ANK3: variants seen among roughly 807,000 people sequenced by gnomAD.
ANK3 encodes ankyrin-3.
ANK3 carries 57 observed loss-of-function variants against 370.9 expected under a neutral mutation model. That is an observed-to-expected ratio of 0.15 (90% confidence interval 0.12 to 0.19). The LOEUF (loss-of-function observed/expected upper bound fraction) is 0.19. Among genes scored for constraint, ANK3 ranks in the 10% least tolerant of loss-of-function variants. The pLI is 1.00. For synonymous variants in ANK3, 1,929 were observed against 1,946.3 expected (o/e 0.99, Z 0.23); for missense variants, 4,439 against 5,302.1 (o/e 0.84, Z 5.06).
At chr10:60,458,604 CAG>C (rs1423451114) in intron 2 of ANK3, among the ~76,000 whole-genome samples, 2 of 152,074 alleles carry the variant, frequency 1.3e-5, no homozygotes, top group Non-Finnish European at 2.9e-5. Context: ...GAGATGAAAA[CAG>C]AGGTTACTTT....
chr10:60,034,668 T>A (rs1474344911), intron 43 of ANK3, among the ~76,000 whole-genome samples: 1 of 152,210 alleles, frequency 6.6e-6, no homozygotes, highest in Non-Finnish European at 1.5e-5. Context: ...TCCACCTTTG[T>A]AGTTCAACTC....
chr10:60,636,389 A>G (rs2078555049), intron 1 of ANK3, among the ~76,000 whole-genome samples: 1 of 152,198 alleles, frequency 6.6e-6, no homozygotes, highest in African/African-American at 2.4e-5. Flanking sequence ...CTGGAAAAAA[A>G]TCAACCTCCA....
intron 1 of ANK3, among the ~76,000 whole-genome samples, chr10:60,623,801 GAA>G (rs1428556693): frequency 6.6e-6 from 1 of 152,198 alleles, no homozygotes; most frequent in African/African-American, 2.4e-5. Flanking sequence ...TATCCTGCAG[GAA>G]AAGAGTGCCT....
At chr10:60,051,519 G>A (rs775665874) in intron 42 of ANK3, 82 of 985,526 alleles carry the variant, frequency 8.3e-5, no homozygotes, top group Non-Finnish European at 9.8e-5. Context: ...GTGACTCTCC[G>A]CTCTTCCTCT....
chr10:60,041,067 A>AT (rs1336227730), intron 43 of ANK3, among the ~76,000 whole-genome samples: 3 of 152,218 alleles, frequency 2.0e-5, no homozygotes, highest in Admixed American at 2.0e-4. Flanking sequence ...TTCTCATCCA[A>AT]TAAAAACCAA....
intron 2 of ANK3, among the ~76,000 whole-genome samples, chr10:60,571,314 A>G (rs572708970): frequency 2.1e-4 from 32 of 152,334 alleles, no homozygotes; most frequent in African/African-American, 4.3e-4. Flanking sequence ...GTCTGCTGGT[A>G]GTAGGTCCCT....
chr10:60,696,592 T>A (rs1416473183), intron 1 of ANK3, among the ~76,000 whole-genome samples: 1 of 148,904 alleles, frequency 6.7e-6, no homozygotes, highest in Non-Finnish European at 1.5e-5. Flanking sequence ...GCAAGGCTGG[T>A]TCAATATACG....
intron 17 of ANK3, among the ~76,000 whole-genome samples, chr10:60,182,726 A>G (rs1387638131): frequency 1.3e-5 from 2 of 152,240 alleles, no homozygotes; most frequent in Non-Finnish European, 2.9e-5. Flanking sequence ...CAGAGCAATT[A>G]TGGAATGCAG....
chr10:60,404,382 A>G (rs1369383439), intron 2 of ANK3, among the ~76,000 whole-genome samples: 50 of 152,210 alleles, frequency 3.3e-4, no homozygotes, highest in Admixed American at 3.3e-3. Flanking sequence ...ACAGTATGGT[A>G]CTGGCATTAA....
chr10:60,273,377 T>C (rs138054769), intron 4 of ANK3, among the ~76,000 whole-genome samples: 1 of 152,134 alleles, frequency 6.6e-6, no homozygotes, highest in Non-Finnish European at 1.5e-5. Flanking sequence ...AGCTCACCTT[T>C]TAAAAGTGTA....
Position 60,093,918 on chromosome 10 carries a change from A to AT in ANK3, c.3329-5561dup, listed in dbSNP as rs1047757187. On this transcript the variant is annotated intron_variant, in intron 28 of 43. Coordinates refer to ENST00000280772, the MANE Select transcript of ANK3 (RefSeq NM_020987.5). ...CTCAGGGACCCTCTGTGTTGTGTTC[A>AT]TTTTTTTTCAAAGCTTTTAGCAATT... Among the ~76,000 whole-genome samples, 16 of 151,920 alleles carry AT rather than the reference A, an allele frequency of 1.1e-4. No individual in the cohort carries two copies. The South Asian group carries it at 1.2e-3, about 12-fold the overall frequency.
intron 1 of ANK3, among the ~76,000 whole-genome samples, chr10:60,632,720 C>T (rs2078501063): frequency 6.6e-6 from 1 of 151,974 alleles, no homozygotes; most frequent in African/African-American, 2.4e-5. Context: ...GAACCCACCT[C>T]TATAAAAAAA....
At position 60,700,147 on chromosome 10, in the gene ANK3, C is replaced by T. The variant is rs16915401; in HGVS notation, c.57+33116G>A. Among the ~76,000 whole-genome samples the T allele has an allele frequency of 7.3e-3, 1,103 of 152,122 alleles. 12 individuals carry two copies. The highest frequency in any genetic ancestry group is 0.025 in the African/African-American group (1,045 of 41,506). On this transcript the variant is annotated intron_variant, in intron 1 of 43. Coordinates refer to the ANK3 transcript ENST00000373827. ...GCTTTTAGTGGGCTAGGGTAGAGAG[C>T]ATTTTGCTTCCTAAAGATACATGCA...
At chr10:60,099,254 G>C (rs1564994508) in intron 28 of ANK3, among the ~76,000 whole-genome samples, 1 of 152,260 alleles carries the variant, frequency 6.6e-6, no homozygotes, top group Middle Eastern at 3.4e-3. Flanking sequence ...CACCAGCAGG[G>C]GGGGCATATG....
chr10:60,059,915 A>G, intron 40 of ANK3: 1 of 1,614,160 alleles, frequency 6.2e-7, no homozygotes, highest in Non-Finnish European at 8.5e-7. Flanking sequence ...TGCTAGAGAT[A>G]TCACTAAAAT....
At position 60,264,000 on chromosome 10, in the gene ANK3, T is replaced by C; in HGVS notation, c.534A>G (p.Ala178=). 1 of 1,614,100 alleles carries C rather than the reference T, an allele frequency of 6.2e-7. No homozygotes were observed. The highest frequency in any genetic ancestry group is 8.5e-7 in the Non-Finnish European group (1 of 1,179,996). ...LATEDGFTPL[A]VALQQGHDQV... ...GGTCGTGACCTTGTTGCAAAGCCAC[T>C]GCCAATGGTGTGAAGCCATCCTGCA... is the stretch of plus-strand genomic sequence containing the variant. Residue 178 remains alanine, a synonymous_variant, in exon 6 of 44, where the codon GCA becomes GCG. Coordinates refer to ENST00000280772, the MANE Select transcript of ANK3 (RefSeq NM_020987.5).
chr10:60,655,887 T>C (rs2078856850), intron 1 of ANK3, among the ~76,000 whole-genome samples: 1 of 152,184 alleles, frequency 6.6e-6, no homozygotes, highest in Non-Finnish European at 1.5e-5. Context: ...CATAAATACT[T>C]AGCATCGTGT....
chr10:60,515,510 A>T (rs774790383), intron 2 of ANK3, among the ~76,000 whole-genome samples: 4 of 152,206 alleles, frequency 2.6e-5, no homozygotes, highest in Non-Finnish European at 5.9e-5. Context: ...AAGGCCTAGA[A>T]TAATGATTAG....
At chr10:60,032,716 T>TA (rs1475277881) in intron 43 of ANK3, among the ~76,000 whole-genome samples, 1 of 152,182 alleles carries the variant, frequency 6.6e-6, no homozygotes, top group Non-Finnish European at 1.5e-5. Context: ...TATGCCCACT[T>TA]ATATTCCAGT....
Sources: gnomAD v4.1 joint callset for allele counts (sites outside exome capture counted in the v4.1 genomes callset) on GRCh38, gnomAD v4.1.1 for gene constraint, MANE v1.5 for transcripts, NCBI Gene and HGNC (gene_info 2026-07-23, HGNC 2026-07-21) for gene names.